LRP1B: variants seen among roughly 807,000 people sequenced by gnomAD.
The protein encoded by LRP1B is LDL receptor related protein 1B, also known as low-density lipoprotein receptor-related protein 1B.
A neutral mutation model predicts 556.6 loss-of-function variants in LRP1B; 217 were observed. That is an observed-to-expected ratio of 0.39 (90% CI 0.35 to 0.44). LRP1B has a LOEUF of 0.44. LRP1B is among the 20% of genes least tolerant of loss of function. The probability of loss-of-function intolerance (pLI) is 1.00; values close to 1 mark genes in which losing one functional copy is unlikely to be tolerated. For synonymous variants in LRP1B, 2,047 were observed against 1,865.8 expected (o/e 1.10, Z -2.50); for missense variants, 5,053 against 5,620.8 (o/e 0.90, Z 3.23).
chr2:141,819,911 C>T (rs1041023031), intron 1 of LRP1B, among the ~76,000 whole-genome samples: 1 of 152,036 alleles, frequency 6.6e-6, no homozygotes, highest in African/African-American at 2.4e-5. Context: ...CAGTGAAAAA[C>T]ACCAAATTTT....
intron 2 of LRP1B, among the ~76,000 whole-genome samples, chr2:141,531,078 G>GA (rs1684856190): frequency 1.3e-5 from 2 of 151,436 alleles, no homozygotes; most frequent in African/African-American, 4.8e-5. Flanking sequence ...AGACGTGCCA[G>GA]AAAAAAATAA....
At chr2:141,652,480 A>G (rs751806457) in intron 2 of LRP1B, among the ~76,000 whole-genome samples, 4 of 152,182 alleles carry the variant, frequency 2.6e-5, no homozygotes, top group Non-Finnish European at 5.9e-5. Context: ...TGTTTTCTGT[A>G]TGTCTTTTTA....
At chr2:140,715,181 A>G (rs1038737921) in intron 37 of LRP1B, among the ~76,000 whole-genome samples, 2 of 152,156 alleles carry the variant, frequency 1.3e-5, no homozygotes, top group African/African-American at 4.8e-5. Context: ...AAGAAGGATC[A>G]TAACAGAGGC....
chr2:140,324,030 T>C lies in LRP1B; in HGVS notation c.12377A>G (p.Asp4126Gly). ...LHPHRIDIFEDYIYGAGPKNG... is the reference protein window; with the variant it reads ...LHPHRIDIFEGYIYGAGPKNG... ...TTTAGGTCCTGCTCCATATATATAA[T>C]CTTCAAAGATATCGATCCTATGTGG... is the stretch of plus-strand genomic sequence containing the variant. The change falls in exon 81 of 91, where the codon GAT (aspartate) becomes GGT (glycine). Residue 4126 changes from aspartate (D) to glycine (G), a missense_variant. Physicochemically the swap from Asp to Gly is moderately conservative, Grantham distance 94. Around this residue, in one of 5 missense-constraint regions of LRP1B, gnomAD observed 551 missense variants for 592.0 expected, o/e 0.93. Coordinates refer to ENST00000389484, the MANE Select transcript of LRP1B (RefSeq NM_018557.3). The C allele has an allele frequency of 1.9e-6, 3 of 1,610,114 alleles. No homozygotes were observed. The highest frequency in any genetic ancestry group is 2.5e-6 in the Non-Finnish European group (3 of 1,177,342).
At chr2:140,775,375 C>T (rs1689456636) in intron 33 of LRP1B, among the ~76,000 whole-genome samples, 1 of 150,554 alleles carries the variant, frequency 6.6e-6, no homozygotes, top group Admixed American at 6.6e-5. Context: ...CAAAATCATT[C>T]TGGAAAACTT....
At chr2:140,974,330 G>C (rs910999629) in intron 18 of LRP1B, among the ~76,000 whole-genome samples, 6 of 152,158 alleles carry the variant, frequency 3.9e-5, no homozygotes, top group Non-Finnish European at 8.8e-5. Context: ...TTGGAAAAGA[G>C]ATTAAGTTAC....
Position 140,262,552 on chromosome 2 carries a change from T to G in LRP1B, c.13247+7690A>C, listed in dbSNP as rs187138110. On this transcript the variant is annotated intron_variant, in intron 86 of 90. Coordinates refer to ENST00000389484, the MANE Select transcript of LRP1B (RefSeq NM_018557.3). ...CCTGTTAATGTTTCTTCTTGTGGAA[T>G]CAACAGAACTTCTTTACTGTCTGGC... Among the ~76,000 whole-genome samples, 33 of 152,266 alleles carry G rather than the reference T, an allele frequency of 2.2e-4. No individual in the cohort carries two copies. The East Asian group carries it at 6.0e-3, about 28-fold the overall frequency.
chr2:141,585,767 C>A (rs546053720), intron 2 of LRP1B, among the ~76,000 whole-genome samples: 2 of 152,196 alleles, frequency 1.3e-5, no homozygotes, highest in African/African-American at 2.4e-5. Flanking sequence ...ATATTTAGAA[C>A]AAATAACTTA....
chr2:141,610,407 C>T (rs559556345), intron 2 of LRP1B, among the ~76,000 whole-genome samples: 1 of 150,656 alleles, frequency 6.6e-6, no homozygotes, highest in South Asian at 2.1e-4. Flanking sequence ...AACAGTGTTT[C>T]CCTCAGAATA....
chr2:140,959,838 G>A (rs900024505), intron 18 of LRP1B, among the ~76,000 whole-genome samples: 2 of 151,494 alleles, frequency 1.3e-5, no homozygotes, highest in Non-Finnish European at 3.0e-5. Context: ...TTTCAAAAAT[G>A]CATCATTATG....
chr2:141,737,055 T>G (rs1354963904), intron 2 of LRP1B, among the ~76,000 whole-genome samples: 1 of 152,066 alleles, frequency 6.6e-6, no homozygotes, highest in Non-Finnish European at 1.5e-5. Context: ...GGTAGACTTT[T>G]CTAAATGTGG....
intron 1 of LRP1B, among the ~76,000 whole-genome samples, chr2:142,022,724 G>A (rs1235434925): frequency 6.6e-6 from 1 of 152,114 alleles, no homozygotes; most frequent in African/African-American, 2.4e-5. Flanking sequence ...AGGCTGGAGT[G>A]CCGTGGCACC....
At chr2:140,543,043 C>A (rs907783316) in intron 43 of LRP1B, among the ~76,000 whole-genome samples, 1 of 152,136 alleles carries the variant, frequency 6.6e-6, no homozygotes, top group Non-Finnish European at 1.5e-5. Flanking sequence ...TCTGCCTTAG[C>A]AGTGGGGAAC....
At chr2:140,672,732 C>T (rs189036315) in intron 41 of LRP1B, among the ~76,000 whole-genome samples, 23 of 152,238 alleles carry the variant, frequency 1.5e-4, no homozygotes, top group African/African-American at 5.5e-4. Flanking sequence ...TTCCTCCTCT[C>T]TCTTTCTCTT....
In LRP1B at chr2:140,855,743, C is replaced by T. The variant is rs116687797; in HGVS notation, c.4580-3960G>A. Among the ~76,000 whole-genome samples, 930 of 151,982 alleles carry T rather than the reference C, an allele frequency of 6.1e-3. 8 individuals carry two copies. Among genetic ancestry groups the T allele is most frequent in the African/African-American group, 0.021 (883 of 41,440 alleles). On this transcript the variant is annotated intron_variant, in intron 27 of 90. Transcript: ENST00000389484. ...TTTGGGAGGCCAAGATAAGAGGATC[C>T]CTTGAGCCCAGGATTTTGAAGTTGC...
chr2:140,850,350 C>A (rs754319233), intron 28 of LRP1B, 21 bp from the exon 29 acceptor site: 32 of 1,474,894 alleles, frequency 2.2e-5, no homozygotes, highest in Admixed American at 5.5e-5. Flanking sequence ...AATAGAAATT[C>A]TTTTCTCTTA....
intron 72 of LRP1B, among the ~76,000 whole-genome samples, chr2:140,364,089 A>T (rs1292742451): frequency 6.6e-6 from 1 of 151,650 alleles, no homozygotes; most frequent in Non-Finnish European, 1.5e-5. Flanking sequence ...AGAAACTTGA[A>T]TTTGGAGAAA....
chr2:141,205,919 C>T (rs1326708579), intron 6 of LRP1B, among the ~76,000 whole-genome samples: 1 of 152,090 alleles, frequency 6.6e-6, no homozygotes, highest in African/African-American at 2.4e-5. Flanking sequence ...AGATGTGACC[C>T]GTTCTTTGAT....
intron 43 of LRP1B, among the ~76,000 whole-genome samples, chr2:140,565,066 C>G (rs889146711): frequency 9.1e-6 from 1 of 110,396 alleles, no homozygotes; most frequent in Non-Finnish European, 2.0e-5. Context: ...CTGAGAAAAA[C>G]AGATTTTTTT....
Sources: allele counts gnomAD v4.1 joint callset (sites outside exome capture counted in the v4.1 genomes callset), GRCh38; gene constraint gnomAD v4.1.1; regional missense constraint gnomAD v4.1.1; transcripts MANE v1.5; gene names NCBI Gene and HGNC (gene_info 2026-07-23, HGNC 2026-07-21).